The following CHN2 variants were observed in gnomAD, a reference collection of about 807,000 sequenced individuals.
The protein encoded by CHN2 is beta-chimaerin.
Under a neutral mutation model 56.3 loss-of-function variants are expected in CHN2, and 35 were observed. The observed-to-expected ratio is 0.62, with a 90% CI of 0.47 to 0.82. The LOEUF (loss-of-function observed/expected upper bound fraction) is 0.82. CHN2 is among the 40% of genes least tolerant of loss of function. CHN2 has a pLI of 0.00. For missense variants in CHN2, 491 were observed against 580.5 expected (o/e 0.85, Z 1.58); for synonymous variants, 210 against 212.8 (o/e 0.99, Z 0.12).
intron 7 of CHN2, among the ~76,000 whole-genome samples, chr7:29,486,694 G>T (rs1270602622): frequency 6.6e-6 from 1 of 152,018 alleles, no homozygotes; most frequent in Non-Finnish European, 1.5e-5. Context: ...GGAGCACCCC[G>T]TTCCCATGGC....
At chr7:29,332,848 T>C (rs972582087) in intron 1 of CHN2, 2 of 151,950 alleles carry the variant, frequency 1.3e-5, no homozygotes, top group African/African-American at 4.8e-5. Context: ...TATTTTCAAC[T>C]TATGATGGGG....
rs1358225334 is a variant in CHN2 at position 29,458,391 on chromosome 7, A to G, written c.577-21888A>G. Among the ~76,000 whole-genome samples, 3 of 151,282 alleles carry G rather than the reference A, an allele frequency of 2.0e-5. No individual in the cohort carries two copies. In the East Asian group the frequency reaches 5.9e-4, roughly 30 times the overall value. On this transcript the variant is annotated intron_variant, in intron 6 of 12. Coordinates refer to ENST00000222792, the MANE Select transcript of CHN2 (RefSeq NM_004067.4). ...AGCATAGCTGTGCACACACACACAC[A>G]CACACACACACACACACACACACAC...
chr7:29,433,885 G>A (rs1012842330), intron 6 of CHN2, among the ~76,000 whole-genome samples: 4 of 151,330 alleles, frequency 2.6e-5, no homozygotes, highest in Admixed American at 6.6e-5. Context: ...AAGGGAGGAA[G>A]GGAGGAAGGG....
At chr7:29,455,857 C>T (rs558972192) in intron 6 of CHN2, among the ~76,000 whole-genome samples, 2 of 152,236 alleles carry the variant, frequency 1.3e-5, no homozygotes, top group South Asian at 2.1e-4. Flanking sequence ...CCCAGCCTTT[C>T]GCAGCCCCAC....
intron 1 of CHN2, among the ~76,000 whole-genome samples, chr7:29,350,110 T>C (rs550874932): frequency 1.3e-5 from 2 of 152,292 alleles, no homozygotes; most frequent in South Asian, 4.1e-4. Flanking sequence ...GATTTCAATA[T>C]ATGTAAATTT....
At chr7:29,506,364 G>T (rs1287987526) in intron 10 of CHN2, among the ~76,000 whole-genome samples, 2 of 152,130 alleles carry the variant, frequency 1.3e-5, no homozygotes, top group African/African-American at 4.8e-5. Context: ...TAGGCCAGGC[G>T]TGGTGGCTCA....
intron 1 of CHN2, among the ~76,000 whole-genome samples, chr7:29,312,670 G>C (rs1484640832): frequency 6.6e-6 from 1 of 152,134 alleles, no homozygotes; most frequent in Admixed American, 6.5e-5. Context: ...GCCGTAGAGA[G>C]AGTGGAGCTC....
chr7:29,262,342 G>A (rs1409264767), intron 1 of CHN2, among the ~76,000 whole-genome samples: 2 of 152,286 alleles, frequency 1.3e-5, no homozygotes, highest in African/African-American at 2.4e-5. Flanking sequence ...CTTAACACAT[G>A]TCAAAGAAAG....
chr7:29,489,836 T>G (rs1788456986), intron 7 of CHN2, among the ~76,000 whole-genome samples: 1 of 152,178 alleles, frequency 6.6e-6, no homozygotes, highest in Non-Finnish European at 1.5e-5. Context: ...TAATAAGCAT[T>G]AAAATGCAAT....
intron 1 of CHN2, among the ~76,000 whole-genome samples, chr7:29,207,435 C>G (rs1784603189): frequency 6.6e-6 from 1 of 152,154 alleles, no homozygotes; most frequent in Non-Finnish European, 1.5e-5. Flanking sequence ...AGATAAATGC[C>G]TCCCTTCCCC....
intron 7 of CHN2, among the ~76,000 whole-genome samples, chr7:29,491,516 C>T (rs1164179837): frequency 6.6e-6 from 1 of 152,162 alleles, no homozygotes; most frequent in Non-Finnish European, 1.5e-5. Context: ...TCAAGCCATC[C>T]TCCCATGTCA....
chr7:29,183,081 CTT>C (rs34942216), intron 2 of CHN2, among the ~76,000 whole-genome samples: 309 of 131,830 alleles, frequency 2.3e-3, no homozygotes, highest in African/African-American at 3.5e-3. Context: ...ACATGGCAGA[CTT>C]TTTTTTTTTT....
At chr7:29,211,970 A>C (rs936054494) in intron 1 of CHN2, among the ~76,000 whole-genome samples, 2 of 152,208 alleles carry the variant, frequency 1.3e-5, no homozygotes, top group African/African-American at 4.8e-5. Flanking sequence ...AACTTCAACA[A>C]TGATCGCATC....
chr7:29,386,180 C>A (rs1800900500), intron 3 of CHN2, among the ~76,000 whole-genome samples: 1 of 152,200 alleles, frequency 6.6e-6, no homozygotes, highest in South Asian at 2.1e-4. Context: ...TCATTCTATG[C>A]TCTGCACTTT....
At chr7:29,462,332 T>A (rs961036914) in intron 6 of CHN2, among the ~76,000 whole-genome samples, 1 of 152,122 alleles carries the variant, frequency 6.6e-6, no homozygotes, top group East Asian at 1.9e-4. Flanking sequence ...GCCTCAAAGC[T>A]TAGTAGTATA....
intron 2 of CHN2, among the ~76,000 whole-genome samples, chr7:29,355,121 A>G (rs953367475): frequency 6.6e-6 from 1 of 151,878 alleles, no homozygotes; most frequent in Non-Finnish European, 1.5e-5. Flanking sequence ...GGCATGCGCC[A>G]CCATGCCCGG....
chr7:29,336,326 T>C (rs960287347), intron 1 of CHN2, among the ~76,000 whole-genome samples: 3 of 151,964 alleles, frequency 2.0e-5, no homozygotes, highest in African/African-American at 7.3e-5. Context: ...AAACACGCCG[T>C]TGAGGCTGGG....
intron 1 of CHN2, among the ~76,000 whole-genome samples, chr7:29,254,206 A>G (rs1788876250): frequency 6.6e-6 from 1 of 152,134 alleles, no homozygotes; most frequent in African/African-American, 2.4e-5. Flanking sequence ...CCCAGCCGCT[A>G]TTCTTTTTCT....
chr7:29,239,136 T>C (rs531893565), intron 1 of CHN2, among the ~76,000 whole-genome samples: 1 of 152,242 alleles, frequency 6.6e-6, no homozygotes, highest in South Asian at 2.1e-4. Flanking sequence ...AGGGGACTGT[T>C]CCAATAATCT....
Sources: gnomAD v4.1 joint callset for allele counts (sites outside exome capture counted in the v4.1 genomes callset) on GRCh38, gnomAD v4.1.1 for gene constraint, MANE v1.5 for transcripts, NCBI Gene and HGNC (gene_info 2026-07-23, HGNC 2026-07-21) for gene names.